CLEC12A: variants seen among roughly 807,000 people sequenced by gnomAD.
CLEC12A encodes C-type lectin protein CLL-1.
Under a neutral mutation model 26.5 loss-of-function variants are expected in CLEC12A, and 22 were observed. That is an observed-to-expected ratio of 0.83 (90% CI 0.59 to 1.19). CLEC12A has a LOEUF of 1.19. Ranked by LOEUF, CLEC12A falls within the 50% of genes most tolerant of loss-of-function variation. CLEC12A has a pLI of 0.00. For missense variants in CLEC12A, 353 were observed against 315.6 expected, an observed-to-expected ratio of 1.12 and a Z score of -0.90; for synonymous variants, 119 against 101.9, an observed-to-expected ratio of 1.17 and a Z score of -1.01.
intron 1 of CLEC12A, among the ~76,000 whole-genome samples, chr12:9,963,950 A>T (rs560648780): frequency 6.6e-6 from 1 of 152,240 alleles, no homozygotes; most frequent in South Asian, 2.1e-4. Context: ...TTTCACTGTT[A>T]TTTATGGGGC....
intron 4 of CLEC12A, among the ~76,000 whole-genome samples, chr12:9,994,849 ACT>A (rs1864995859): frequency 6.6e-6 from 1 of 151,816 alleles, no homozygotes; most frequent in Admixed American, 6.6e-5. Flanking sequence ...ACACACACAC[ACT>A]CACACATACA....
chr12:9,951,687 T>C (rs921454596), intron 1 of CLEC12A: 4 of 342,614 alleles, frequency 1.2e-5, no homozygotes, highest in African/African-American at 6.3e-5. Flanking sequence ...TTGCTTATTG[T>C]TGCAGCAGTT....
chr12:9,995,075 A>G, exon 5 of CLEC12A: 1 of 1,601,786 alleles, frequency 6.2e-7, no homozygotes, highest in East Asian at 2.2e-5. Flanking sequence ...GGACTGAGAG[A>G]AGAGGGAATC....
intron 1 of CLEC12A, among the ~76,000 whole-genome samples, chr12:9,964,378 T>C (rs892345163): frequency 6.6e-6 from 1 of 152,116 alleles, no homozygotes; most frequent in African/African-American, 2.4e-5. Context: ...GTTTGTTCGC[T>C]AAGGAGGGAT....
chr12:9,971,805 TATGTTTAAGCA>T, intron 1 of CLEC12A, 118 bp downstream of exon 1: 1 of 836,656 alleles, frequency 1.2e-6, no homozygotes. Context: ...TTAAGTCTCT[TATGTTTAAGCA>T]AAGGAACAAA....
chr12:10,004,827 ACATATGTATACATG>A, the CLEC12A span, among the ~76,000 whole-genome samples: 1 of 152,124 alleles, frequency 6.6e-6, no homozygotes, highest in Admixed American at 6.5e-5. Context: ...CAGGTTTGTT[ACATATGTATACATG>A]TGCCATGTTG....
At position 9,985,080 on chromosome 12, in the gene CLEC12A, G is replaced by A; in HGVS notation, c.*54G>A. The A allele has an allele frequency of 1.5e-6, 2 of 1,323,046 alleles. No individual in the cohort carries two copies. The highest frequency in any genetic ancestry group is 1.9e-6 in the Non-Finnish European group (2 of 1,038,008). The allele number at this position is 1,323,046 out of a possible 1,614,324, so 82.0% of individuals were successfully genotyped here. ...TAGGGGGTGGGGGTTCTAGGCTATAGGTAAATTTAAATATTTTCTGGTTGA... is the reference window on the plus strand; with the variant it reads ...TAGGGGGTGGGGGTTCTAGGCTATAAGTAAATTTAAATATTTTCTGGTTGA... On this transcript the variant is annotated 3_prime_UTR_variant, in exon 6 of 6. Transcript: ENST00000304361.
downstream of CLEC12A, chr12:9,998,271 T>A: frequency 6.2e-7 from 1 of 1,609,750 alleles, no homozygotes; most frequent in Non-Finnish European, 8.5e-7. Context: ...TCTGGCAGAG[T>A]CAACACTTAC....
intron 1 of CLEC12A, among the ~76,000 whole-genome samples, chr12:9,959,493 T>C (rs1004978431): frequency 4.6e-5 from 7 of 152,022 alleles, no homozygotes; most frequent in Non-Finnish European, 7.4e-5. Flanking sequence ...AACCTTACTT[T>C]TTGGTTTTTG....
At chr12:9,989,998 CTGAG>C (rs1386295938), downstream of CLEC12A, among the ~76,000 whole-genome samples, 2 of 151,828 alleles carry the variant, frequency 1.3e-5, no homozygotes, top group Non-Finnish European at 2.9e-5. Flanking sequence ...GCATTGTTTA[CTGAG>C]TATTTTAAGC....
chr12:9,961,361 C>A (rs1055905240), intron 1 of CLEC12A, among the ~76,000 whole-genome samples: 1 of 152,084 alleles, frequency 6.6e-6, no homozygotes, highest in African/African-American at 2.4e-5. Context: ...GGTTGAGGGG[C>A]CTTAGAATTT....
chr12:9,960,791 C>T (rs577203321), intron 1 of CLEC12A, among the ~76,000 whole-genome samples: 34 of 152,248 alleles, frequency 2.2e-4, no homozygotes, highest in Middle Eastern at 3.4e-3. Context: ...CTTAGAAAAC[C>T]GACTTTCAGG....
At chr12:9,972,060 G>GT (rs60417066) in intron 1 of CLEC12A, among the ~76,000 whole-genome samples, 100 of 37,452 alleles carry the variant, frequency 2.7e-3, no homozygotes, top group Middle Eastern at 0.014. Context: ...GTGTGTGTGT[G>GT]TTTTTTTTTT....
downstream of CLEC12A, chr12:9,999,377 T>TG (rs1865127986): frequency 3.5e-6 from 1 of 282,082 alleles, no homozygotes; most frequent in South Asian, 1.4e-4. Context: ...TGCTTTTTTT[T>TG]TATCTTCAAC....
intron 1 of CLEC12A, among the ~76,000 whole-genome samples, chr12:9,954,172 TC>T (rs1223276857): frequency 1.0e-5 from 1 of 97,910 alleles, no homozygotes; most frequent in East Asian, 3.1e-4. Flanking sequence ...CCCTGCCAAA[TC>T]CCCTCTGTGA....
intron 4 of CLEC12A, chr12:9,993,187 A>G: frequency 6.2e-7 from 1 of 1,612,404 alleles, no homozygotes. Context: ...TTCCTCTCAC[A>G]CATTAAATAA....
At chr12:9,953,133 T>TA (rs1555137532) in intron 1 of CLEC12A, 1 of 78,270 alleles carries the variant, frequency 1.3e-5, no homozygotes, top group Non-Finnish European at 2.3e-5. Context: ...GGGAGGGAGG[T>TA]GGGGGGTCAG....
chr12:10,002,752 C>G, the CLEC12A span, among the ~76,000 whole-genome samples: 1 of 152,120 alleles, frequency 6.6e-6, no homozygotes, highest in African/African-American at 2.4e-5. Flanking sequence ...ATTTGAGGAA[C>G]TTTTTAATCA....
intron 4 of CLEC12A, among the ~76,000 whole-genome samples, chr12:9,994,390 ATACT>A (rs1352188068): frequency 1.3e-5 from 2 of 152,186 alleles, no homozygotes; most frequent in Non-Finnish European, 1.5e-5. Flanking sequence ...TCTATAGTAA[ATACT>A]TAATAAATAT....
Sources: gnomAD v4.1 joint callset for allele counts (sites outside exome capture counted in the v4.1 genomes callset) on GRCh38, gnomAD v4.1.1 for gene constraint, MANE v1.5 for transcripts, NCBI Gene and HGNC (gene_info 2026-07-23, HGNC 2026-07-21) for gene names.